BST1: variants seen among roughly 807,000 people sequenced by gnomAD.
BST1 encodes the protein ADP-ribosyl cyclase/cyclic ADP-ribose hydrolase 2.
In BST1, 49 loss-of-function variants were observed where a neutral mutation model predicts 40.6. The observed-to-expected ratio is 1.21, with a 90% CI of 0.96 to 1.53. The LOEUF (loss-of-function observed/expected upper bound fraction) is 1.53. BST1 is among the 40% of genes most tolerant of loss of function. BST1 has a pLI of 0.00. For synonymous variants in BST1, 157 were observed against 159.3 expected (o/e 0.99, Z 0.11); for missense variants, 423 against 395.9 (o/e 1.07, Z -0.58).
At chr4:15,748,860 C>G in the BST1 span, among the ~76,000 whole-genome samples, 802 of 152,298 alleles carry the variant, frequency 5.3e-3, 6 homozygotes, top group African/African-American at 0.018. Context: ...GCTATAATAG[C>G]GTGTAAGTCA....
At chr4:15,771,230 C>A in the BST1 span, among the ~76,000 whole-genome samples, 1 of 152,202 alleles carries the variant, frequency 6.6e-6, no homozygotes, top group Non-Finnish European at 1.5e-5. Context: ...ATCCGCACTT[C>A]AAGCTGATGA....
the BST1 span, among the ~76,000 whole-genome samples, chr4:15,770,884 T>C: frequency 6.6e-6 from 1 of 152,246 alleles, no homozygotes; most frequent in Non-Finnish European, 1.5e-5. Flanking sequence ...GCCACAGATA[T>C]TTTTCAGCCT....
rs551349722 is a variant in BST1, at chr4:15,711,490, A to T, written c.452-317A>T. ...TGTTGTTGTTTGTGGGTTTTTAAAC[A>T]TTGTTGAGAAATAACCCAGCTAATA... is the stretch of plus-strand genomic sequence containing the variant. On this transcript the variant is annotated intron_variant, in intron 3 of 8. Coordinates refer to ENST00000265016, the MANE Select transcript of BST1 (RefSeq NM_004334.3). Among the ~76,000 whole-genome samples the T allele has an allele frequency of 6.4e-4, 98 of 152,298 alleles. No individual in the cohort carries two copies. In the South Asian group the frequency reaches 8.1e-3, roughly 13 times the overall value.
Position 15,705,517 on chromosome 4 carries a change from A to G in BST1, c.191A>G (p.Asn64Ser), listed in dbSNP as rs1328118470. Residue 64 changes from asparagine to serine, a missense_variant and splice_region_variant, in exon 2 of 9, where the codon AAC (asparagine) becomes AGC (serine). Asn to Ser is a conservative substitution (Grantham distance 46). Coordinates refer to ENST00000265016, the MANE Select transcript of BST1 (RefSeq NM_004334.3). ...TCCCAACTTGTACTTTTGCACAGGAACAAGAACTGCACAGCCATCTGGGAA... is the reference window on the plus strand; with the variant it reads ...TCCCAACTTGTACTTTTGCACAGGAGCAAGAACTGCACAGCCATCTGGGAA... ...YRALLSPEQR[N>S]KNCTAIWEAF... 6.3e-6 allele frequency: 10 copies of G among 1,577,564 alleles called. No individual in the cohort carries two copies. The highest frequency in any genetic ancestry group is 8.6e-6 in the Non-Finnish European group (10 of 1,164,676).
the BST1 span, among the ~76,000 whole-genome samples, chr4:15,769,255 A>G: frequency 6.6e-6 from 1 of 152,346 alleles, no homozygotes; most frequent in East Asian, 1.9e-4. Context: ...CTGAGTTTGA[A>G]CTGTGGGAGA....
At chr4:15,756,254 T>C in the BST1 span, among the ~76,000 whole-genome samples, 1 of 152,184 alleles carries the variant, frequency 6.6e-6, no homozygotes, top group African/African-American at 2.4e-5. Flanking sequence ...CAATCTGGTC[T>C]TTTAAAGGGT....
At chr4:15,720,338 G>A (rs1314384583) in intron 7 of BST1, among the ~76,000 whole-genome samples, 1 of 152,084 alleles carries the variant, frequency 6.6e-6, no homozygotes, top group African/African-American at 2.4e-5. Context: ...TCAATTCTTG[G>A]CCGAGTGCAG....
chr4:15,705,136 C>T (rs1719805075), intron 1 of BST1, among the ~76,000 whole-genome samples: 1 of 125,412 alleles, frequency 8.0e-6, no homozygotes, highest in South Asian at 2.7e-4. Flanking sequence ...CTGGCCTCAC[C>T]TGGTCCCCGA....
chr4:15,739,593 GTA>G (rs1491050102), downstream of BST1, among the ~76,000 whole-genome samples: 88 of 140,576 alleles, frequency 6.3e-4, no homozygotes, highest in African/African-American at 2.4e-3. Flanking sequence ...GTGTGTGTGT[GTA>G]TTTCTCCCCT....
chr4:15,723,699 C>G (rs1720950036), intron 8 of BST1: 2 of 862,178 alleles, frequency 2.3e-6, no homozygotes, highest in East Asian at 2.4e-4. Context: ...AGGATAGATT[C>G]CCAGAAATTG....
the BST1 span, among the ~76,000 whole-genome samples, chr4:15,748,260 A>T: frequency 6.6e-6 from 1 of 152,160 alleles, no homozygotes; most frequent in Non-Finnish European, 1.5e-5. Context: ...AAAATAAGGG[A>T]CAGTATTTCC....
At chr4:15,762,791 T>C in the BST1 span, among the ~76,000 whole-genome samples, 1 of 152,106 alleles carries the variant, frequency 6.6e-6, no homozygotes, top group South Asian at 2.1e-4. Flanking sequence ...ATAAGTGCAA[T>C]CATATAGTAT....
chr4:15,709,055 G>T (rs918775263), intron 3 of BST1, among the ~76,000 whole-genome samples: 1 of 152,164 alleles, frequency 6.6e-6, no homozygotes, highest in Non-Finnish European at 1.5e-5. Context: ...TTATAGGAGG[G>T]CAGATAAGAC....
chr4:15,707,670 G>A, intron 3 of BST1, 24 bp downstream of exon 3: 1 of 1,612,286 alleles, frequency 6.2e-7, no homozygotes, highest in South Asian at 1.1e-5. Flanking sequence ...ACAAATCACA[G>A]GAGACTTAAG....
At chr4:15,736,689 C>A (rs1721578489), downstream of BST1, among the ~76,000 whole-genome samples, 1 of 152,126 alleles carries the variant, frequency 6.6e-6, no homozygotes, top group African/African-American at 2.4e-5. Context: ...TCCCAGGAGA[C>A]CCCACTGCAC....
At chr4:15,715,198 A>T in intron 4 of BST1, 87 bp from the exon 5 acceptor site, 1 of 1,200,588 alleles carries the variant, frequency 8.3e-7, no homozygotes, top group Non-Finnish European at 1.2e-6. Flanking sequence ...GCCATTATTT[A>T]GAACTGACAA....
rs761650390 is a variant in BST1, at chr4:15,715,706, G to GT, written c.618dup (p.Ala207CysfsTer4). ...TTAGGGCTTCAAGAAATGTTTCTCA[G>GT]TTTTTTTGCAGATTATGAAATTCCA... On this transcript the variant is annotated frameshift_variant and splice_region_variant. Transcript: ENST00000265016. LOFTEE classifies it high-confidence loss of function. 11 of 1,581,266 alleles carry GT rather than the reference G, an allele frequency of 7.0e-6. No individual in the cohort carries two copies. The highest frequency in any genetic ancestry group is 3.5e-5 in the South Asian group (3 of 85,646).
chr4:15,730,394 G>A (rs1721311662), intron 8 of BST1, among the ~76,000 whole-genome samples: 1 of 152,188 alleles, frequency 6.6e-6, no homozygotes, highest in Non-Finnish European at 1.5e-5. Flanking sequence ...CTTCATGTCA[G>A]GACAGGTTTT....
At chr4:15,719,225 C>T (rs866242780) in intron 7 of BST1, among the ~76,000 whole-genome samples, 7 of 152,220 alleles carry the variant, frequency 4.6e-5, no homozygotes, top group Middle Eastern at 6.8e-3. Flanking sequence ...ACACACAGAG[C>T]AGCACTTTCT....
Sources: gnomAD v4.1 joint callset for allele counts (sites outside exome capture counted in the v4.1 genomes callset) on GRCh38, gnomAD v4.1.1 for gene constraint, MANE v1.5 for transcripts, NCBI Gene and HGNC (gene_info 2026-07-23, HGNC 2026-07-21) for gene names.